LRP3: variants seen among roughly 807,000 people sequenced by gnomAD.
LRP3 encodes LDL receptor related protein 3.
A neutral mutation model predicts 58.5 loss-of-function variants in LRP3; 49 were observed. That is an observed-to-expected ratio of 0.84 (90% CI 0.67 to 1.06). The LOEUF (loss-of-function observed/expected upper bound fraction) is 1.06. LRP3 is among the 50% of genes least tolerant of loss of function. The pLI is 0.00. For synonymous variants in LRP3, 485 were observed against 492.2 expected (o/e 0.99, Z 0.20); for missense variants, 1,019 against 1,134.2 (o/e 0.90, Z 1.46).
At position 33,194,860 on chromosome 19, in the gene LRP3, T is replaced by G; in HGVS notation, c.73+2T>G. 11 of 1,070,388 alleles carry G rather than the reference T, an allele frequency of 1.0e-5. No individual in the cohort carries two copies. Among genetic ancestry groups the G allele is most frequent in the Admixed American group, 5.4e-5 (1 of 18,446 alleles). The allele number at this position is 1,070,388 out of a possible 1,614,324, so 66.3% of individuals were successfully genotyped here. A position where few individuals can be genotyped will look rare whatever the true frequency, so the allele number is the denominator to read the frequency against. ...CGCAGCTGGCCGTCGTCTGTCTGGG[T>G]GAGTGGGCCGCGCGGGCCGGGCAGG... On this transcript the variant is annotated splice_donor_variant, in intron 1 of 6. Coordinates refer to ENST00000253193, the MANE Select transcript of LRP3 (RefSeq NM_002333.4). LOFTEE classifies it high-confidence loss of function.
rs1432619966 is a variant in LRP3, at chr19:33,202,902, G to A, written c.176G>A (p.Ser59Asn). 1 of 1,611,314 alleles carries A rather than the reference G, an allele frequency of 6.2e-7. No individual in the cohort carries two copies. Among genetic ancestry groups the A allele is most frequent in the Non-Finnish European group, 8.5e-7 (1 of 1,178,952 alleles). The change falls in exon 3 of 7, where the codon AGC becomes AAC. Residue 59 changes from serine (S) to asparagine (N), a missense_variant. By Grantham distance (46) the Ser-to-Asn change is conservative. Transcript: ENST00000253193. The part of the protein sequence containing the change: ...QHTERRGVIY[S>N]PAWPLNYPPG... ...ACGGAGCGGCGTGGGGTCATCTACA[G>A]CCCGGCCTGGCCCCTCAACTACCCG...
At chr19:33,199,527 G>A (rs1482078726) in intron 2 of LRP3, among the ~76,000 whole-genome samples, 1 of 150,356 alleles carries the variant, frequency 6.7e-6, no homozygotes, top group Non-Finnish European at 1.5e-5. Context: ...TCCCTGCACA[G>A]AGCCCAGCCT....
chr19:33,206,578 C>T (rs1283231786), intron 5 of LRP3, 23 bp from the exon 6 acceptor site: 14 of 1,601,786 alleles, frequency 8.7e-6, no homozygotes, highest in Middle Eastern at 3.3e-4. Context: ...CCAGTCATGT[C>T]GCCCTCCGCC....
chr19:33,199,902 C>T (rs529592326), intron 2 of LRP3, among the ~76,000 whole-genome samples: 3 of 152,206 alleles, frequency 2.0e-5, no homozygotes, highest in Admixed American at 1.3e-4. Flanking sequence ...AGACACCTGG[C>T]CCCCAAGGGC....
At position 33,205,463 on chromosome 19, in the gene LRP3, G is replaced by A. The variant is rs1323505318; in HGVS notation, c.693G>A (p.Glu231=). ...GARSTRCLPV[E]RRCDGLQDCG... ...GCTCCACGCGCTGCCTGCCTGTGGA[G>A]CGGCGCTGTGACGGCTTGCAGGACT... The change falls in exon 5 of 7, where the codon GAG becomes GAA. Residue 231 remains glutamate (E), a synonymous_variant. Coordinates refer to ENST00000253193, the MANE Select transcript of LRP3 (RefSeq NM_002333.4). 3.2e-6 allele frequency: 5 copies of A among 1,585,816 alleles called. No individual in the cohort carries two copies. In the South Asian group the frequency reaches 4.5e-5, roughly 14 times the overall value.
chr19:33,207,275 C>A lies in LRP3; in HGVS notation c.2013C>A (p.Pro671=). The change falls in exon 7 of 7, where the codon CCC becomes CCA. Residue 671 remains proline (P), a synonymous_variant. Coordinates refer to ENST00000253193, the MANE Select transcript of LRP3 (RefSeq NM_002333.4). Reference sequence around the variant, plus strand: ...CCGGAGACAGGCCCCCCAGTGCCCCCGGCCGTGCACCGGAGGTGGGACCTT... The same window carrying A: ...CCGGAGACAGGCCCCCCAGTGCCCCAGGCCGTGCACCGGAGGTGGGACCTT... The part of the protein sequence containing the change: ...RAAGDRPPSA[P]GRAPEVGPSG... The A allele has an allele frequency of 1.3e-6, 2 of 1,554,222 alleles. No homozygotes were observed. The highest frequency in any genetic ancestry group is 1.7e-6 in the Non-Finnish European group (2 of 1,157,606).
chr19:33,205,409 CG>C lies in LRP3; in HGVS notation c.645del (p.Thr216ProfsTer119). The C allele has an allele frequency of 3.1e-6, 5 of 1,594,148 alleles. No individual in the cohort carries two copies. The highest frequency in any genetic ancestry group is 8.6e-7 in the Non-Finnish European group (1 of 1,169,516). On this transcript the variant is annotated frameshift_variant, in exon 5 of 7. Coordinates refer to ENST00000253193, the MANE Select transcript of LRP3 (RefSeq NM_002333.4). LOFTEE classifies it high-confidence loss of function. Reference sequence around the variant, plus strand: ...CCGAGCCTCCAGGCAGCCTGTGCCCCGGGGGGACCTTCCCATGCAGCGGGGC... The same window carrying C: ...CCGAGCCTCCAGGCAGCCTGTGCCCCGGGGGACCTTCCCATGCAGCGGGGC... ...ASEPPGSLCPGGTFPCSGARS... is the reference protein window; with the variant it reads ...ASEPPGSLCPXGTFPCSGARS...
At chr19:33,197,564 T>C (rs1974298394) in intron 2 of LRP3, among the ~76,000 whole-genome samples, 1 of 152,202 alleles carries the variant, frequency 6.6e-6, no homozygotes, top group African/African-American at 2.4e-5. Context: ...GAGTTTGAGA[T>C]TGTAGTGGGC....
chr19:33,205,389 C>G lies in LRP3; in HGVS notation c.619C>G (p.Pro207Ala), dbSNP rs1449501432. Reference sequence around the variant, plus strand: ...CAACTGCTCGGCGCCCGCCTCCGAGCCTCCAGGCAGCCTGTGCCCCGGGGG... The same window carrying G: ...CAACTGCTCGGCGCCCGCCTCCGAGGCTCCAGGCAGCCTGTGCCCCGGGGG... ...EGNCSAPASE[P>A]PGSLCPGGTF... is the part of the protein sequence containing the mutation. Residue 207 changes from proline to alanine, a missense_variant, in exon 5 of 7, where the codon CCT (proline) becomes GCT (alanine). Around this residue, in one of 2 missense-constraint regions of LRP3, gnomAD observed 592 missense variants for 725.5 expected, o/e 0.82. Transcript: ENST00000253193. 1 of 1,596,398 alleles carries G rather than the reference C, an allele frequency of 6.3e-7. No homozygotes were observed. The highest frequency in any genetic ancestry group is 1.1e-5 in the South Asian group (1 of 89,760).
chr19:33,202,935 C>T lies in LRP3; in HGVS notation c.209C>T (p.Thr70Ile), dbSNP rs1859393840. The T allele has an allele frequency of 1.2e-6, 2 of 1,612,484 alleles. No homozygotes were observed. Among genetic ancestry groups the T allele is most frequent in the Admixed American group, 3.3e-5 (2 of 59,864 alleles). ...PAWPLNYPPGTNCSWYIQGDR... is the reference protein window; with the variant it reads ...PAWPLNYPPGINCSWYIQGDR... Reference sequence around the variant, plus strand: ...TGGCCCCTCAACTACCCGCCAGGCACCAACTGCAGCTGGTACATCCAGGGC... The same window carrying T: ...TGGCCCCTCAACTACCCGCCAGGCATCAACTGCAGCTGGTACATCCAGGGC... The change falls in exon 3 of 7, where the codon ACC becomes ATC. Residue 70 changes from threonine (T) to isoleucine (I), a missense_variant. By Grantham distance (89) the Thr-to-Ile change is moderately conservative (BLOSUM62 -1). This residue lies in a region of LRP3 where 592 missense variants were observed against 725.5 expected (regional missense o/e 0.82). Coordinates refer to ENST00000253193, the MANE Select transcript of LRP3 (RefSeq NM_002333.4).
At chr19:33,196,432 C>T (rs1381269836) in intron 1 of LRP3, among the ~76,000 whole-genome samples, 1 of 152,214 alleles carries the variant, frequency 6.6e-6, no homozygotes, top group Non-Finnish European at 1.5e-5. Context: ...GTGGTGCACA[C>T]CTGTAGTTCC....
intron 2 of LRP3, among the ~76,000 whole-genome samples, chr19:33,200,972 C>T (rs936827056): frequency 1.3e-5 from 2 of 152,328 alleles, no homozygotes; most frequent in African/African-American, 4.8e-5. Flanking sequence ...GTCACAGTCC[C>T]GACTCACCTG....
intron 1 of LRP3, among the ~76,000 whole-genome samples, chr19:33,195,118 C>G (rs1974272562): frequency 6.6e-6 from 1 of 151,920 alleles, no homozygotes; most frequent in Admixed American, 6.5e-5. Flanking sequence ...GGAGGCCCTT[C>G]GTGCAGGCGG....
At chr19:33,199,174 C>T (rs988192510) in intron 2 of LRP3, among the ~76,000 whole-genome samples, 16 of 152,178 alleles carry the variant, frequency 1.1e-4, no homozygotes, top group Admixed American at 3.3e-4. Context: ...GCAGTCCTCC[C>T]ATCTGCCCTC....
Position 33,208,784 on chromosome 19 carries a change from T to C in LRP3, c.*1209T>C, listed in dbSNP as rs770921092. The stretch of plus-strand genomic sequence containing the variant: ...AAACAGGCTTCTGAGAGTCGTATCT[T>C]TTTTCTTTTTTTTCCAGAAAAAAAC... On this transcript the variant is annotated 3_prime_UTR_variant, in exon 7 of 7. Transcript: ENST00000253193. This position sits in a 1 kb window ranked among gnomAD's most constrained non-coding sequence, Gnocchi z 4.7. 3.9e-5 allele frequency: 58 copies of C among 1,498,874 alleles called. No homozygotes were observed. Among genetic ancestry groups the C allele is most frequent in the Non-Finnish European group, 5.0e-5 (55 of 1,090,510 alleles). The allele number at this position is 1,498,874 out of a possible 1,614,324, so 92.8% of individuals were successfully genotyped here.
chr19:33,202,537 G>A (rs968025174), intron 2 of LRP3, among the ~76,000 whole-genome samples: 7 of 152,196 alleles, frequency 4.6e-5, no homozygotes, highest in African/African-American at 1.2e-4. Flanking sequence ...TGGAGGTGCC[G>A]GCTGGCAGGA....
Position 33,202,846 on chromosome 19 carries a change from A to T in LRP3, c.122-2A>T, listed in dbSNP as rs775987468. ...GCCTTTCTCGGCCTCCTCTCCCGAC[A>T]GCGGCCTGCAGTGGGAAGCTGGAGC... On this transcript the variant is annotated splice_acceptor_variant, in intron 2 of 6. Transcript: ENST00000253193. LOFTEE classifies it high-confidence loss of function. 1 of 1,607,056 alleles carries T rather than the reference A, an allele frequency of 6.2e-7. No homozygotes were observed. The highest frequency in any genetic ancestry group is 8.5e-7 in the Non-Finnish European group (1 of 1,176,518).
rs1361430587 is a variant in LRP3 at position 33,202,986 on chromosome 19, G to A, written c.260G>A (p.Ser87Asn). 6.2e-7 allele frequency: 1 copy of A among 1,612,796 alleles called. No individual in the cohort carries two copies. Among genetic ancestry groups the A allele is most frequent in the Non-Finnish European group, 8.5e-7 (1 of 1,179,494 alleles). The change falls in exon 3 of 7, where the codon AGC (serine) becomes AAC (asparagine). Residue 87 changes from serine to asparagine, a missense_variant and splice_region_variant. Physicochemically the swap from Ser to Asn is conservative, Grantham distance 46. Coordinates refer to ENST00000253193, the MANE Select transcript of LRP3 (RefSeq NM_002333.4). ...QGDRGDMITISFRNFDVEESH... is the reference protein window; with the variant it reads ...QGDRGDMITINFRNFDVEESH... ...GACCGTGGTGACATGATTACCATCA[G>A]GTAGGGGCACCCGGGGGTGTCGGAA...
At chr19:33,195,986 G>T (rs1974281188) in intron 1 of LRP3, among the ~76,000 whole-genome samples, 1 of 151,794 alleles carries the variant, frequency 6.6e-6, no homozygotes, top group African/African-American at 2.4e-5. Flanking sequence ...ACCCCGGGAA[G>T]TTGGGTTTCC....
Sources: allele counts gnomAD v4.1 joint callset (sites outside exome capture counted in the v4.1 genomes callset), GRCh38; gene constraint gnomAD v4.1.1; regional missense constraint gnomAD v4.1.1; non-coding constraint Gnocchi (gnomAD v3.1); transcripts MANE v1.5; gene names NCBI Gene and HGNC (gene_info 2026-07-23, HGNC 2026-07-21).